SLC35F4: variants seen among roughly 807,000 people sequenced by gnomAD.
SLC35F4 encodes chromosome 14 open reading frame 36.
A neutral mutation model predicts 44.2 loss-of-function variants in SLC35F4; 24 were observed. The ratio of observed to expected loss-of-function variants is 0.54; its 90% CI spans 0.39 to 0.76. SLC35F4 has a LOEUF of 0.76. SLC35F4 is among the 30% of genes least tolerant of loss of function. SLC35F4 has a pLI of 0.00. For missense variants in SLC35F4, 562 were observed against 586.1 expected, an observed-to-expected ratio of 0.96 and a Z score of 0.42; for synonymous variants, 238 against 223.6, an observed-to-expected ratio of 1.06 and a Z score of -0.57.
At chr14:57,830,202 CT>C (rs1454275913) in intron 1 of SLC35F4, among the ~76,000 whole-genome samples, 5 of 152,054 alleles carry the variant, frequency 3.3e-5, no homozygotes, top group Non-Finnish European at 5.9e-5. Flanking sequence ...CATATGTTGC[CT>C]TTTTTTCAGC....
chr14:57,773,320 C>T (rs1315321920), intron 1 of SLC35F4, among the ~76,000 whole-genome samples: 1 of 152,170 alleles, frequency 6.6e-6, no homozygotes, highest in Non-Finnish European at 1.5e-5. Context: ...TACACATATA[C>T]ATAACTCACC....
intron 1 of SLC35F4, among the ~76,000 whole-genome samples, chr14:57,771,679 T>C (rs1431218329): frequency 6.6e-6 from 1 of 152,232 alleles, no homozygotes; most frequent in African/African-American, 2.4e-5. Flanking sequence ...CTGCAATCTC[T>C]GCCTTCTGGG....
chr14:57,624,754 C>T (rs1030441903), intron 1 of SLC35F4, among the ~76,000 whole-genome samples: 22 of 151,992 alleles, frequency 1.4e-4, no homozygotes, highest in Non-Finnish European at 1.5e-5. Flanking sequence ...AAATTCAACA[C>T]CCTTTCATGC....
At chr14:57,958,378 A>G (rs776985575) in intron 1 of SLC35F4, among the ~76,000 whole-genome samples, 4 of 152,198 alleles carry the variant, frequency 2.6e-5, no homozygotes, top group Non-Finnish European at 5.9e-5. Flanking sequence ...TGTTGAAAAC[A>G]TTATGCTCAG....
chr14:57,718,853 C>G (rs1594875308), intron 1 of SLC35F4, among the ~76,000 whole-genome samples: 1 of 151,926 alleles, frequency 6.6e-6, no homozygotes, highest in Admixed American at 6.6e-5. Context: ...TGGTGTGATC[C>G]CATTTGTCTA....
chr14:57,858,582 T>C (rs1388072922), intron 1 of SLC35F4, among the ~76,000 whole-genome samples: 1 of 151,496 alleles, frequency 6.6e-6, no homozygotes, highest in Non-Finnish European at 1.5e-5. Flanking sequence ...CTAATGTAAA[T>C]GACGAGTTAA....
intron 1 of SLC35F4, among the ~76,000 whole-genome samples, chr14:57,740,795 T>C (rs1468088719): frequency 6.6e-6 from 1 of 152,200 alleles, no homozygotes; most frequent in Non-Finnish European, 1.5e-5. Flanking sequence ...ATAAAAATGC[T>C]TTTAAAAGAT....
At chr14:57,793,067 A>G (rs6573168) in intron 1 of SLC35F4, among the ~76,000 whole-genome samples, 76,323 of 151,850 alleles carry the variant, frequency 0.5, 22,572 homozygotes, top group African/African-American at 0.81. Flanking sequence ...ACTGGTGTCT[A>G]GAAAACACAG....
chr14:57,577,565 C>G (rs2068881366), intron 4 of SLC35F4, among the ~76,000 whole-genome samples: 1 of 152,064 alleles, frequency 6.6e-6, no homozygotes, highest in Non-Finnish European at 1.5e-5. Flanking sequence ...AAAGTTTCTA[C>G]CATTCTAGTC....
At chr14:57,972,786 T>A (rs1881091861), downstream of SLC35F4, among the ~76,000 whole-genome samples, 1 of 152,184 alleles carries the variant, frequency 6.6e-6, no homozygotes, top group Admixed American at 6.5e-5. Context: ...ATGGCATTTA[T>A]CCTCCCCTCC....
chr14:57,583,142 A>G (rs2069418484), intron 3 of SLC35F4, among the ~76,000 whole-genome samples: 1 of 152,222 alleles, frequency 6.6e-6, no homozygotes, highest in African/African-American at 2.4e-5. Context: ...AACAGAAATT[A>G]CACACGCTCA....
At chr14:57,806,421 T>C (rs200719691) in intron 1 of SLC35F4, among the ~76,000 whole-genome samples, 1 of 152,114 alleles carries the variant, frequency 6.6e-6, no homozygotes, top group East Asian at 1.9e-4. Flanking sequence ...CACATGAAAA[T>C]ATTGTGTCCC....
At chr14:57,883,779 G>C (rs987828998) in intron 1 of SLC35F4, among the ~76,000 whole-genome samples, 2 of 152,058 alleles carry the variant, frequency 1.3e-5, no homozygotes, top group Non-Finnish European at 2.9e-5. Flanking sequence ...AATCAGATTT[G>C]TATTAACTTG....
At chr14:57,782,428 T>C (rs957621549) in intron 1 of SLC35F4, among the ~76,000 whole-genome samples, 2 of 151,880 alleles carry the variant, frequency 1.3e-5, no homozygotes, top group African/African-American at 4.8e-5. Context: ...TATATGTAGA[T>C]ACTAGTCTAT....
intron 1 of SLC35F4, among the ~76,000 whole-genome samples, chr14:57,770,740 A>G (rs575948333): frequency 2.0e-5 from 3 of 152,200 alleles, no homozygotes; most frequent in Non-Finnish European, 2.9e-5. Flanking sequence ...CTCTGTGGCC[A>G]GGAAAAGAAT....
At chr14:57,661,392 T>A (rs2074132420) in intron 1 of SLC35F4, among the ~76,000 whole-genome samples, 1 of 152,160 alleles carries the variant, frequency 6.6e-6, no homozygotes, top group Non-Finnish European at 1.5e-5. Flanking sequence ...CTCTCAAGCT[T>A]TAGAGTTCTC....
intron 1 of SLC35F4, among the ~76,000 whole-genome samples, chr14:57,665,313 A>C (rs1472208860): frequency 1.3e-5 from 2 of 152,162 alleles, no homozygotes; most frequent in Admixed American, 6.6e-5. Context: ...CCAAATTTTA[A>C]ATAACAATAA....
intron 1 of SLC35F4, among the ~76,000 whole-genome samples, chr14:57,634,705 G>A (rs879752879): frequency 1.3e-5 from 2 of 152,074 alleles, no homozygotes; most frequent in Non-Finnish European, 2.9e-5. Context: ...CTATTGCATG[G>A]TTTTAAGCAA....
intron 1 of SLC35F4, among the ~76,000 whole-genome samples, chr14:57,952,102 C>T (rs969494651): frequency 3.3e-5 from 5 of 152,178 alleles, no homozygotes; most frequent in Admixed American, 2.0e-4. Context: ...AGGCAGCAAT[C>T]TTTGCTGTTT....
Sources: gnomAD v4.1 joint callset for allele counts (sites outside exome capture counted in the v4.1 genomes callset) on GRCh38, gnomAD v4.1.1 for gene constraint, MANE v1.5 for transcripts, NCBI Gene and HGNC (gene_info 2026-07-23, HGNC 2026-07-21) for gene names.